The following ARHGAP22 variants were observed in gnomAD, a reference collection of about 807,000 sequenced individuals.
ARHGAP22 encodes Rho GTPase activating protein 22, also known as rho GTPase-activating protein 22.
Under a neutral mutation model 59.1 loss-of-function variants are expected in ARHGAP22, and 48 were observed. That is an observed-to-expected ratio of 0.81 (90% confidence interval 0.64 to 1.03). The LOEUF is 1.03. Ranked by LOEUF, ARHGAP22 falls within the 50% of genes least tolerant of loss-of-function variation. ARHGAP22 has a pLI of 0.00. For synonymous variants in ARHGAP22, 445 were observed against 416.4 expected, an observed-to-expected ratio of 1.07 and a Z score of -0.84; for missense variants, 1,015 against 958.7, an observed-to-expected ratio of 1.06 and a Z score of -0.78.
At chr10:48,473,232 C>T (rs1036444134) in intron 4 of ARHGAP22, among the ~76,000 whole-genome samples, 1 of 152,152 alleles carries the variant, frequency 6.6e-6, no homozygotes, top group Non-Finnish European at 1.5e-5. Context: ...TGAAATAAGC[C>T]AGTCACAAAA....
intron 1 of ARHGAP22, among the ~76,000 whole-genome samples, chr10:48,597,251 C>T (rs1249612904): frequency 2.0e-5 from 3 of 152,214 alleles, no homozygotes; most frequent in East Asian, 1.9e-4. Flanking sequence ...AGACTTTGTG[C>T]CTCTGTAGAT....
chr10:48,513,904 A>G (rs2053036762), intron 3 of ARHGAP22, among the ~76,000 whole-genome samples: 1 of 152,246 alleles, frequency 6.6e-6, no homozygotes, highest in South Asian at 2.1e-4. Flanking sequence ...ATAATAAAAC[A>G]TAGTGTGACA....
intron 4 of ARHGAP22, among the ~76,000 whole-genome samples, chr10:48,465,483 C>A (rs1053343184): frequency 2.0e-5 from 3 of 152,248 alleles, no homozygotes; most frequent in African/African-American, 7.2e-5. Context: ...TGAGCGTCCA[C>A]GGGAGATCGA....
At chr10:48,505,482 C>A (rs990632004) in intron 3 of ARHGAP22, among the ~76,000 whole-genome samples, 1 of 152,132 alleles carries the variant, frequency 6.6e-6, no homozygotes, top group African/African-American at 2.4e-5. Context: ...GAGTCCCGTG[C>A]GCCTGACTCT....
chr10:48,551,583 G>A (rs949388491), intron 3 of ARHGAP22, among the ~76,000 whole-genome samples: 9 of 152,266 alleles, frequency 5.9e-5, no homozygotes, highest in East Asian at 5.8e-4. Context: ...GCGTGTCCCC[G>A]CAGCTTCAGG....
intron 4 of ARHGAP22, among the ~76,000 whole-genome samples, chr10:48,469,258 C>T (rs976915283): frequency 6.6e-6 from 1 of 152,206 alleles, no homozygotes; most frequent in Non-Finnish European, 1.5e-5. Context: ...ACATTGAGCT[C>T]CAGGTGAAGC....
chr10:48,493,145 T>C (rs1006891706), intron 3 of ARHGAP22, among the ~76,000 whole-genome samples: 9 of 152,028 alleles, frequency 5.9e-5, no homozygotes, highest in Non-Finnish European at 8.8e-5. Flanking sequence ...TGATGGGCCA[T>C]TATTTTGCCA....
rs770347078 is a variant in ARHGAP22, at chr10:48,455,088, G to A, written c.706C>T (p.Arg236Trp). The A allele has an allele frequency of 3.7e-6, 6 of 1,612,090 alleles. No homozygotes were observed. Among genetic ancestry groups the A allele is most frequent in the South Asian group, 1.1e-5 (1 of 90,958 alleles). ...GGGACCACGGGCTCGGGGAGCTCCCGCAGGTACAGCTTCAGCAGGGAGGCC... is the reference window on the plus strand; with the variant it reads ...GGGACCACGGGCTCGGGGAGCTCCCACAGGTACAGCTTCAGCAGGGAGGCC... ...TVASLLKLYLRELPEPVVPFA... is the reference protein window; with the variant it reads ...TVASLLKLYLWELPEPVVPFA... Residue 236 changes from arginine to tryptophan, a missense_variant, in exon 6 of 10, where the codon CGG becomes TGG. Arg to Trp is a moderately radical substitution (Grantham distance 101). Transcript: ENST00000249601.
the ARHGAP22 span, chr10:48,435,202 T>C: frequency 2.0e-6 from 1 of 503,300 alleles, no homozygotes; most frequent in African/African-American, 2.0e-5. Flanking sequence ...ATTTAAAACC[T>C]AAGTTGTGTT....
chr10:48,446,221 G>A lies in ARHGAP22; in HGVS notation c.*170C>T. The A allele has an allele frequency of 1.5e-6, 1 of 664,552 alleles. No individual in the cohort carries two copies. Among genetic ancestry groups the A allele is most frequent in the East Asian group, 2.7e-5 (1 of 36,938 alleles). The allele number at this position is 664,552 out of a possible 1,614,324, so 41.2% of individuals were successfully genotyped here. ...GTTGGAGCAGCATCTGATCCCACCT[G>A]GAGTGTGTGGGGTCCCAAAAGTCCC... On this transcript the variant is annotated 3_prime_UTR_variant, in exon 10 of 10. Transcript: ENST00000249601.
intron 3 of ARHGAP22, among the ~76,000 whole-genome samples, chr10:48,553,315 A>T (rs2057047219): frequency 6.6e-6 from 1 of 152,250 alleles, no homozygotes; most frequent in African/African-American, 2.4e-5. Flanking sequence ...AGCTCGCAGG[A>T]TCTGCAGGAA....
intron 3 of ARHGAP22, among the ~76,000 whole-genome samples, chr10:48,480,080 T>C (rs2049147014): frequency 1.3e-5 from 2 of 152,254 alleles, no homozygotes; most frequent in South Asian, 4.1e-4. Context: ...AGACTTTCAG[T>C]GCCCCAGGGT....
chr10:48,625,091 A>C (rs992265149), intron 1 of ARHGAP22: 82 of 152,286 alleles, frequency 5.4e-4, no homozygotes, highest in African/African-American at 1.9e-3. Flanking sequence ...CTGCCAGTTC[A>C]CTGGCTCCAT....
intron 2 of ARHGAP22, among the ~76,000 whole-genome samples, chr10:48,559,461 G>T (rs189578615): frequency 6.6e-6 from 1 of 152,316 alleles, no homozygotes; most frequent in East Asian, 1.9e-4. Context: ...AATGGACAAA[G>T]GATGTGCCAT....
chr10:48,479,617 T>TG lies in ARHGAP22; in HGVS notation c.451+18dup. 1 of 1,613,834 alleles carries TG rather than the reference T, an allele frequency of 6.2e-7. No individual in the cohort carries two copies. The highest frequency in any genetic ancestry group is 8.5e-7 in the Non-Finnish European group (1 of 1,179,972). ...AGGCAAGGGTTCTAGAGGGTGGGCA[T>TG]GCGATCTACGGGCAGTACCTCCGCC... is the stretch of plus-strand genomic sequence containing the variant. On this transcript the variant is annotated intron_variant, in intron 4 of 9. Transcript: ENST00000249601.
At chr10:48,577,389 C>T (rs1308182330) in intron 2 of ARHGAP22, among the ~76,000 whole-genome samples, 2 of 152,186 alleles carry the variant, frequency 1.3e-5, no homozygotes, top group Admixed American at 6.5e-5. Flanking sequence ...CCAGGCCTAT[C>T]ACTCCCACTT....
At position 48,453,443 on chromosome 10, in the gene ARHGAP22, A is replaced by G; in HGVS notation, c.867-18T>C. 1 of 1,613,080 alleles carries G rather than the reference A, an allele frequency of 6.2e-7. No homozygotes were observed. The highest frequency in any genetic ancestry group is 8.5e-7 in the Non-Finnish European group (1 of 1,179,458). On this transcript the variant is annotated intron_variant, in intron 7 of 9. Coordinates refer to ENST00000249601, the MANE Select transcript of ARHGAP22 (RefSeq NM_021226.4). ...CCAGAAACCTGCAAAGTAAGGAAGC[A>G]GCAGTCATCAAAGAAGCAAGTTGTG...
chr10:48,470,531 A>G (rs530248705), intron 4 of ARHGAP22, among the ~76,000 whole-genome samples: 1 of 152,290 alleles, frequency 6.6e-6, no homozygotes, highest in South Asian at 2.1e-4. Context: ...GTGTGCTCTG[A>G]ACACCCTCTA....
chr10:48,582,062 T>C (rs1316466885), intron 2 of ARHGAP22, among the ~76,000 whole-genome samples: 3 of 152,228 alleles, frequency 2.0e-5, no homozygotes, highest in Admixed American at 1.3e-4. Flanking sequence ...CATTTTCTCA[T>C]GCCCAGCTCC....
Sources: allele counts gnomAD v4.1 joint callset (sites outside exome capture counted in the v4.1 genomes callset), GRCh38; gene constraint gnomAD v4.1.1; transcripts MANE v1.5; gene names NCBI Gene and HGNC (gene_info 2026-07-23, HGNC 2026-07-21).